LHPP: variants seen among roughly 807,000 people sequenced by gnomAD.
LHPP encodes hLHPP.
LHPP carries 24 observed loss-of-function variants against 30.3 expected under a neutral mutation model. That is an observed-to-expected ratio of 0.79 (90% confidence interval 0.57 to 1.11). The LOEUF (loss-of-function observed/expected upper bound fraction) is 1.11, where lower values mean the gene tolerates loss of function less well. Ranked by LOEUF, LHPP falls within the 50% of genes most tolerant of loss-of-function variation. LHPP has a pLI of 0.00. For synonymous variants in LHPP, 150 were observed against 157.1 expected, an observed-to-expected ratio of 0.95 and a Z score of 0.34; for missense variants, 356 against 367.2, an observed-to-expected ratio of 0.97 and a Z score of 0.25.
At chr10:124,536,155 G>A (rs1387677744) in intron 6 of LHPP, among the ~76,000 whole-genome samples, 1 of 152,266 alleles carries the variant, frequency 6.6e-6, no homozygotes, top group Admixed American at 6.5e-5. Flanking sequence ...CACCCCTGCC[G>A]CGTGTGCGTG....
At chr10:124,595,185 T>C (rs1319737843) in intron 6 of LHPP, among the ~76,000 whole-genome samples, 1 of 152,200 alleles carries the variant, frequency 6.6e-6, no homozygotes, top group Non-Finnish European at 1.5e-5. Context: ...ATGGGGGTTC[T>C]GGGCAGGGTT....
rs189324249 is a variant in LHPP, at chr10:124,546,442, G to A, written c.716+29171G>A. 5.5e-4 allele frequency among the ~76,000 whole-genome samples: 83 copies of A among 152,244 alleles called. No individual in the cohort carries two copies. In the East Asian group the frequency reaches 0.011, roughly 21 times the overall value. On this transcript the variant is annotated intron_variant, in intron 6 of 6. Transcript: ENST00000368842. Reference sequence around the variant, plus strand: ...TTTTGAGACGGAGTCTCACTCTGTCGCCCAGGCTGGAGTGCAGTGGCGCGA... The same window carrying A: ...TTTTGAGACGGAGTCTCACTCTGTCACCCAGGCTGGAGTGCAGTGGCGCGA...
chr10:124,586,485 C>T (rs1363489762), intron 6 of LHPP, among the ~76,000 whole-genome samples: 1 of 152,190 alleles, frequency 6.6e-6, no homozygotes, highest in Non-Finnish European at 1.5e-5. Context: ...AAGGACCTCC[C>T]AGATTTGTGG....
intron 1 of LHPP, among the ~76,000 whole-genome samples, chr10:124,480,643 G>A (rs1456130947): frequency 6.6e-6 from 1 of 152,152 alleles, no homozygotes; most frequent in Non-Finnish European, 1.5e-5. Context: ...AATGTACAAG[G>A]TGACGCTATT....
In LHPP at chr10:124,495,647, C is replaced by T. The variant is rs1366901942; in HGVS notation, c.468-1314C>T. Reference sequence around the variant, plus strand: ...GCTCCCGAGGAGCTCAGTTCTCACACCCCAGGTGGTCACAGAACACATTTC... The same window carrying T: ...GCTCCCGAGGAGCTCAGTTCTCACATCCCAGGTGGTCACAGAACACATTTC... On this transcript the variant is annotated intron_variant, in intron 3 of 6. Coordinates refer to ENST00000368842, the MANE Select transcript of LHPP (RefSeq NM_022126.4). 3.9e-5 allele frequency among the ~76,000 whole-genome samples: 6 copies of T among 152,306 alleles called. No individual in the cohort carries two copies. In the Middle Eastern group the frequency reaches 0.017, roughly 432 times the overall value.
chr10:124,538,716 G>A (rs183422224), intron 6 of LHPP, among the ~76,000 whole-genome samples: 3 of 152,210 alleles, frequency 2.0e-5, no homozygotes, highest in Non-Finnish European at 2.9e-5. Context: ...GGAGAATCCT[G>A]GGAATTAACT....
chr10:124,529,772 G>T (rs1954838049), intron 6 of LHPP, among the ~76,000 whole-genome samples: 1 of 151,440 alleles, frequency 6.6e-6, no homozygotes, highest in Non-Finnish European at 1.5e-5. Context: ...TCACATGCGG[G>T]TCCTAGACAC....
At chr10:124,462,119 C>T in intron 1 of LHPP, 132 bp downstream of exon 1, 1 of 840,012 alleles carries the variant, frequency 1.2e-6, no homozygotes, top group Non-Finnish European at 1.5e-6. Context: ...CCCCTTCCCA[C>T]CCCGGTGCGC....
intron 6 of LHPP, among the ~76,000 whole-genome samples, chr10:124,557,883 G>A (rs967849398): frequency 7.2e-5 from 11 of 152,254 alleles, no homozygotes; most frequent in Admixed American, 5.2e-4. Flanking sequence ...ACATGAGCCC[G>A]TGGACATCTA....
chr10:124,497,228 T>G (rs1953744762), intron 4 of LHPP, among the ~76,000 whole-genome samples: 1 of 140,724 alleles, frequency 7.1e-6, no homozygotes, highest in African/African-American at 2.7e-5. Context: ...TCCCCATCTC[T>G]CCCTTCCCAT....
At chr10:124,488,349 C>G in intron 2 of LHPP, 73 bp from the exon 3 acceptor site, 1 of 1,382,260 alleles carries the variant, frequency 7.2e-7, no homozygotes, top group South Asian at 1.2e-5. Context: ...AAAGGTGTCC[C>G]TGGTAGGAGA....
At chr10:124,531,037 C>T (rs921080395) in intron 6 of LHPP, among the ~76,000 whole-genome samples, 1 of 152,182 alleles carries the variant, frequency 6.6e-6, no homozygotes, top group African/African-American at 2.4e-5. Flanking sequence ...GAGGACACGC[C>T]CACCCGCCAA....
intron 6 of LHPP, among the ~76,000 whole-genome samples, chr10:124,543,600 T>TGGC (rs1369409493): frequency 6.6e-6 from 1 of 152,160 alleles, no homozygotes; most frequent in African/African-American, 2.4e-5. Flanking sequence ...CTGCCCATGG[T>TGGC]GGCGGCGGCT....
intron 6 of LHPP, among the ~76,000 whole-genome samples, chr10:124,561,826 A>C (rs1948399963): frequency 6.6e-6 from 1 of 152,090 alleles, no homozygotes; most frequent in South Asian, 2.1e-4. Context: ...TGTGGTACAA[A>C]ACCACCTGTC....
chr10:124,511,858 G>A (rs9665724), intron 5 of LHPP, among the ~76,000 whole-genome samples: 30,011 of 151,942 alleles, frequency 0.2, 4,621 homozygotes, highest in African/African-American at 0.41. Context: ...GCCCTGGTGA[G>A]TGGTGGGGAG....
chr10:124,484,121 G>A lies in LHPP; in HGVS notation c.126-18G>A, dbSNP rs1293973065. On this transcript the variant is annotated intron_variant, in intron 1 of 6. Transcript: ENST00000368842. ...CTCCACGTGCTGACTTCCCGGGCCT[G>A]TGTCTCCCCTGCCGCAGACTGAAGC... 5.0e-6 allele frequency: 8 copies of A among 1,611,702 alleles called. No individual in the cohort carries two copies. Among genetic ancestry groups the A allele is most frequent in the African/African-American group, 1.3e-5 (1 of 74,718 alleles).
intron 3 of LHPP, among the ~76,000 whole-genome samples, chr10:124,494,583 AGGGCCT>A (rs1953646765): frequency 6.6e-6 from 1 of 151,982 alleles, no homozygotes; most frequent in Non-Finnish European, 1.5e-5. Flanking sequence ...ATGGCCTTTG[AGGGCCT>A]GCAGAGGGCC....
At chr10:124,545,150 T>G (rs962516946) in intron 6 of LHPP, among the ~76,000 whole-genome samples, 2 of 152,088 alleles carry the variant, frequency 1.3e-5, no homozygotes, top group South Asian at 2.1e-4. Context: ...CCGAAGCCCC[T>G]TTGCAGTGAA....
chr10:124,540,442 G>A (rs146142836), intron 6 of LHPP, among the ~76,000 whole-genome samples: 5 of 152,340 alleles, frequency 3.3e-5, no homozygotes, highest in East Asian at 3.9e-4. Flanking sequence ...GCCTGGAGCC[G>A]CTCGCCCACC....
Sources: allele counts gnomAD v4.1 joint callset (sites outside exome capture counted in the v4.1 genomes callset), GRCh38; gene constraint gnomAD v4.1.1; transcripts MANE v1.5; gene names NCBI Gene and HGNC (gene_info 2026-07-23, HGNC 2026-07-21).